The following CP variants were observed in gnomAD, a reference collection of about 807,000 sequenced individuals.
CP encodes ceruloplasmin.
CP carries 64 observed loss-of-function variants against 122.4 expected under a neutral mutation model. The ratio of observed to expected loss-of-function variants is 0.52; its 90% CI spans 0.43 to 0.64. CP has a LOEUF of 0.64. Ranked by LOEUF, CP falls within the 30% of genes least tolerant of loss-of-function variation. The probability of loss-of-function intolerance (pLI) is 0.00; values close to 1 mark genes in which losing one functional copy is unlikely to be tolerated. For missense variants in CP, 1,167 were observed against 1,284.4 expected (o/e 0.91, Z 1.40); for synonymous variants, 440 against 436.4 (o/e 1.01, Z -0.10).
At chr3:149,213,633 T>G (rs558006301) in intron 1 of CP, among the ~76,000 whole-genome samples, 10 of 3,214 alleles carry the variant, frequency 3.1e-3, no homozygotes, top group South Asian at 0.022. Flanking sequence ...TCATCATGGG[T>G]GTGTGTGTGT....
chr3:149,167,241 G>C, intron 4 of CP: 1 of 1,609,078 alleles, frequency 6.2e-7, no homozygotes, highest in South Asian at 1.1e-5. Flanking sequence ...AGAGAACCGG[G>C]TATGCTTTTT....
intron 11 of CP, chr3:149,186,027 C>A (rs1726145714): frequency 5.6e-6 from 1 of 177,772 alleles, no homozygotes; most frequent in Admixed American, 5.4e-5. Flanking sequence ...GATTAAAATT[C>A]TTTCTCTTCA....
At chr3:149,172,259 A>G (rs1725070890), downstream of CP, 1 of 1,590,926 alleles carries the variant, frequency 6.3e-7, no homozygotes, top group Admixed American at 1.7e-5. Flanking sequence ...GGCATTTGAG[A>G]CTGAATTTCT....
At chr3:149,167,899 T>G (rs1290395505), downstream of CP, 1 of 1,586,700 alleles carries the variant, frequency 6.3e-7, no homozygotes, top group South Asian at 1.1e-5. Flanking sequence ...ATAGACTCTG[T>G]GGTGGAAAAA....
chr3:149,173,418 T>A lies in CP; in HGVS notation c.*296A>T, dbSNP rs868443549. ...ACCCAGGAGAATATCTGGTCATAGA[T>A]CTTTTTTTAAATGCAGTTTTATAAA... On this transcript the variant is annotated 3_prime_UTR_variant, in exon 19 of 19. Transcript: ENST00000264613. 5 of 229,644 alleles carry A rather than the reference T, an allele frequency of 2.2e-5. No individual in the cohort carries two copies. The highest frequency in any genetic ancestry group is 1.7e-3 in the Middle Eastern group (1 of 598). The allele number at this position is 229,644 out of a possible 1,614,324, so 14.2% of individuals were successfully genotyped here. A position where few individuals can be genotyped will look rare whatever the true frequency, so the allele number is the denominator to read the frequency against.
chr3:149,215,765 A>G (rs181618274), intron 1 of CP, among the ~76,000 whole-genome samples: 128 of 152,354 alleles, frequency 8.4e-4, no homozygotes, highest in African/African-American at 2.9e-3. Flanking sequence ...TTTCAACCAA[A>G]TAATTCACAT....
chr3:149,177,636 T>G, intron 17 of CP: 1 of 622,648 alleles, frequency 1.6e-6, no homozygotes, highest in Non-Finnish European at 2.8e-6. Flanking sequence ...GATCCAAGTT[T>G]TGCTTTTTGG....
At chr3:149,183,871 C>G (rs776578587) in intron 12 of CP, among the ~76,000 whole-genome samples, 39 of 152,038 alleles carry the variant, frequency 2.6e-4, no homozygotes, top group Non-Finnish European at 4.7e-4. Flanking sequence ...TAGTCACTGC[C>G]TATTGGAACC....
intron 1 of CP, among the ~76,000 whole-genome samples, chr3:149,217,267 T>G (rs747122425): frequency 6.6e-6 from 1 of 152,104 alleles, no homozygotes; most frequent in East Asian, 1.9e-4. Context: ...TTCCAGAAAA[T>G]TTTAGCTAGT....
intron 3 of CP, among the ~76,000 whole-genome samples, chr3:149,209,658 T>C (rs1300566270): frequency 6.6e-6 from 1 of 152,156 alleles, no homozygotes; most frequent in Non-Finnish European, 1.5e-5. Context: ...GAATTCAAAG[T>C]TGTGCGTCTA....
chr3:149,182,175 A>G, intron 13 of CP, 42 bp from the exon 14 acceptor site: 1 of 1,611,802 alleles, frequency 6.2e-7, no homozygotes, highest in Non-Finnish European at 8.5e-7. Context: ...CAGAAGGTCT[A>G]ACTTAGTAAT....
At chr3:149,177,394 T>C (rs986065238) in intron 17 of CP, among the ~76,000 whole-genome samples, 3 of 152,180 alleles carry the variant, frequency 2.0e-5, no homozygotes, top group Non-Finnish European at 4.4e-5. Context: ...TCAATTGAAA[T>C]TGCTGTGCCT....
At chr3:149,188,408 T>C (rs1439688739) in intron 9 of CP, among the ~76,000 whole-genome samples, 1 of 140,946 alleles carries the variant, frequency 7.1e-6, no homozygotes, top group African/African-American at 2.7e-5. Flanking sequence ...TGTGGTTCAA[T>C]ATGGTAATCT....
intron 1 of CP, among the ~76,000 whole-genome samples, chr3:149,216,422 C>T (rs913143317): frequency 3.9e-5 from 6 of 152,092 alleles, no homozygotes; most frequent in East Asian, 1.9e-4. Context: ...TAAGGTCACC[C>T]GTATGCCCTC....
At chr3:149,200,675 T>A (rs932169915) in intron 7 of CP, among the ~76,000 whole-genome samples, 4 of 151,484 alleles carry the variant, frequency 2.6e-5, no homozygotes, top group Non-Finnish European at 5.9e-5. Context: ...CTCATTTTTG[T>A]ACTTTTTTTT....
At chr3:149,186,301 T>C (rs559714846) in intron 11 of CP, 15 of 585,342 alleles carry the variant, frequency 2.6e-5, no homozygotes, top group African/African-American at 2.0e-4. Flanking sequence ...AACCACACCA[T>C]GTTCTTTTAC....
intron 18 of CP, among the ~76,000 whole-genome samples, chr3:149,173,964 T>C (rs1177543256): frequency 6.6e-6 from 1 of 152,202 alleles, no homozygotes; most frequent in Non-Finnish European, 1.5e-5. Context: ...TGAATAACTT[T>C]ACAATGGAGA....
intron 5 of CP, among the ~76,000 whole-genome samples, chr3:149,164,197 C>T (rs936141311): frequency 6.6e-6 from 1 of 152,124 alleles, no homozygotes; most frequent in Non-Finnish European, 1.5e-5. Context: ...ACCAAGTCTC[C>T]TGGCTGATTT....
At chr3:149,162,677 T>C in exon 6 of CP, 1 of 1,613,778 alleles carries the variant, frequency 6.2e-7, no homozygotes, top group Non-Finnish European at 8.5e-7. Context: ...AGGCTCCTTT[T>C]ACTGTTTTTA....
Sources: gnomAD v4.1 joint callset for allele counts (sites outside exome capture counted in the v4.1 genomes callset) on GRCh38, gnomAD v4.1.1 for gene constraint, MANE v1.5 for transcripts, NCBI Gene and HGNC (gene_info 2026-07-23, HGNC 2026-07-21) for gene names.